CCDC102B: variants seen among roughly 807,000 people sequenced by gnomAD.
CCDC102B encodes the protein coiled-coil domain-containing protein 102B.
In CCDC102B, 75 loss-of-function variants were observed where a neutral mutation model predicts 57.4. That is an observed-to-expected ratio of 1.31 (90% CI 1.08 to 1.58). The LOEUF is 1.58. Among genes scored for constraint, CCDC102B ranks in the 40% most tolerant of loss-of-function variants. The pLI is 0.00. For synonymous variants in CCDC102B, 206 were observed against 201.9 expected (o/e 1.02, Z -0.17); for missense variants, 636 against 582.6 (o/e 1.09, Z -0.94).
chr18:68,787,260 G>A (rs1225217291), intron 2 of CCDC102B, among the ~76,000 whole-genome samples: 1 of 151,156 alleles, frequency 6.6e-6, no homozygotes, highest in African/African-American at 2.5e-5. Context: ...TTGCATCAAT[G>A]TTCATCAAGG....
chr18:68,790,449 T>G (rs1377018218), intron 2 of CCDC102B, among the ~76,000 whole-genome samples: 4 of 152,084 alleles, frequency 2.6e-5, no homozygotes, highest in African/African-American at 4.8e-5. Flanking sequence ...CCTTGCAGTT[T>G]GATCTCAGAC....
At chr18:68,882,985 T>C (rs557173632) in intron 5 of CCDC102B, among the ~76,000 whole-genome samples, 1 of 151,924 alleles carries the variant, frequency 6.6e-6, no homozygotes, top group Non-Finnish European at 1.5e-5. Flanking sequence ...GGGTAGACGG[T>C]GGAAAGAGGG....
chr18:69,034,443 G>A (rs1438296851), intron 7 of CCDC102B, among the ~76,000 whole-genome samples: 1 of 151,848 alleles, frequency 6.6e-6, no homozygotes, highest in East Asian at 1.9e-4. Context: ...CTAGATTCCA[G>A]AACAATTTGT....
At chr18:68,803,547 T>C (rs1180896569) in intron 1 of CCDC102B, among the ~76,000 whole-genome samples, 1 of 152,152 alleles carries the variant, frequency 6.6e-6, no homozygotes, top group East Asian at 1.9e-4. Context: ...GGAAATCACA[T>C]GTGCTAAAGT....
chr18:68,852,094 C>T (rs2038154428), intron 4 of CCDC102B, among the ~76,000 whole-genome samples: 1 of 151,520 alleles, frequency 6.6e-6, no homozygotes, highest in South Asian at 2.1e-4. Context: ...GACCAGGTCG[C>T]CTGCCTTCTT....
intron 7 of CCDC102B, among the ~76,000 whole-genome samples, chr18:69,011,486 A>G (rs549899169): frequency 1.3e-5 from 2 of 151,856 alleles, no homozygotes; most frequent in Non-Finnish European, 2.9e-5. Flanking sequence ...TATTTATTAT[A>G]TATTTTCAGT....
intron 2 of CCDC102B, 29 bp downstream of exon 2, chr18:68,837,398 A>G (rs1222988459): frequency 6.3e-7 from 1 of 1,583,810 alleles, no homozygotes; most frequent in African/African-American, 1.4e-5. Flanking sequence ...GATGATGTGA[A>G]TTTCTGAAGG....
At chr18:68,880,817 C>T (rs148674036) in intron 5 of CCDC102B, among the ~76,000 whole-genome samples, 115 of 152,248 alleles carry the variant, frequency 7.6e-4, no homozygotes, top group Non-Finnish European at 1.4e-3. Context: ...TCCTAGTAGT[C>T]ACAAGTAGTT....
chr18:69,053,070 A>G (rs893049865), intron 7 of CCDC102B, among the ~76,000 whole-genome samples: 13 of 151,838 alleles, frequency 8.6e-5, no homozygotes, highest in Non-Finnish European at 1.5e-4. Context: ...CCCAGTATAT[A>G]TGAATGTTCA....
chr18:68,947,633 G>A (rs2049578749), intron 6 of CCDC102B, among the ~76,000 whole-genome samples: 1 of 152,048 alleles, frequency 6.6e-6, no homozygotes, highest in African/African-American at 2.4e-5. Flanking sequence ...TAAGTAGTAG[G>A]CAAATTCCAG....
intron 1 of CCDC102B, among the ~76,000 whole-genome samples, chr18:68,834,790 T>C (rs2037295002): frequency 6.6e-6 from 1 of 151,964 alleles, no homozygotes; most frequent in African/African-American, 2.4e-5. Context: ...TTAATATTCA[T>C]CTTTTAAAAT....
At chr18:68,911,733 CAG>C (rs1432051419) in intron 6 of CCDC102B, among the ~76,000 whole-genome samples, 2 of 82,692 alleles carry the variant, frequency 2.4e-5, no homozygotes, top group Non-Finnish European at 4.3e-5. Flanking sequence ...GCCTGGGCGA[CAG>C]AGCGAGACTC....
At chr18:68,779,163 CA>C (rs1376218524) in intron 2 of CCDC102B, among the ~76,000 whole-genome samples, 3 of 151,956 alleles carry the variant, frequency 2.0e-5, no homozygotes, top group Non-Finnish European at 4.4e-5. Flanking sequence ...TAAAAATGCC[CA>C]AAATTTACTC....
intron 1 of CCDC102B, among the ~76,000 whole-genome samples, chr18:68,801,974 C>A (rs182913924): frequency 1.3e-5 from 2 of 152,132 alleles, no homozygotes; most frequent in African/African-American, 4.8e-5. Context: ...TTTGAACAAG[C>A]GTTTCTTCTC....
rs940463010 is a variant in CCDC102B, at chr18:68,806,672, GA to G, written c.-16+8494del. 1.7e-4 allele frequency among the ~76,000 whole-genome samples: 26 copies of G among 152,038 alleles called. 1 individual carries two copies. The highest frequency in any genetic ancestry group is 5.8e-4 in the African/African-American group (24 of 41,430). ...TGCTCTACAGCTATTTTGTCCAATA[GA>G]AATATAATTCAAGCAACATTTGCAA... On this transcript the variant is annotated intron_variant, in intron 1 of 7. Coordinates refer to ENST00000360242, the MANE Select transcript of CCDC102B (RefSeq NM_024781.3).
At chr18:68,969,747 A>T (rs775188685) in intron 6 of CCDC102B, among the ~76,000 whole-genome samples, 1 of 151,888 alleles carries the variant, frequency 6.6e-6, no homozygotes, top group African/African-American at 2.4e-5. Flanking sequence ...TATTCTTAGT[A>T]TTTTTAACTA....
intron 7 of CCDC102B, among the ~76,000 whole-genome samples, chr18:69,012,040 T>G (rs2051531832): frequency 6.6e-6 from 1 of 152,132 alleles, no homozygotes; most frequent in South Asian, 2.1e-4. Flanking sequence ...GCTCACACAC[T>G]GTCCTCTGTG....
chr18:68,981,565 A>G (rs1018093008), intron 6 of CCDC102B, among the ~76,000 whole-genome samples: 1 of 152,016 alleles, frequency 6.6e-6, no homozygotes, highest in Non-Finnish European at 1.5e-5. Context: ...CAAAAAAACC[A>G]TGTGTTTAGT....
intron 6 of CCDC102B, among the ~76,000 whole-genome samples, chr18:68,964,870 AT>A (rs1014092226): frequency 6.6e-6 from 1 of 151,820 alleles, no homozygotes; most frequent in Admixed American, 6.6e-5. Flanking sequence ...CTGAACTGAC[AT>A]TTTTTTCCCT....
Sources: allele counts gnomAD v4.1 joint callset (sites outside exome capture counted in the v4.1 genomes callset), GRCh38; gene constraint gnomAD v4.1.1; transcripts MANE v1.5; gene names NCBI Gene and HGNC (gene_info 2026-07-23, HGNC 2026-07-21).